Variants in USP10 observed in about 807,000 individuals in gnomAD.
USP10 encodes ubiquitin specific peptidase 10.
USP10 carries 22 observed loss-of-function variants against 84.5 expected under a neutral mutation model. The ratio of observed to expected loss-of-function variants is 0.26; its 90% CI spans 0.19 to 0.37. USP10 has a LOEUF of 0.37. Among genes scored for constraint, USP10 ranks in the 10% least tolerant of loss-of-function variants. The pLI is 1.00. For synonymous variants in USP10, 454 were observed against 387.6 expected (o/e 1.17, Z -2.01); for missense variants, 1,019 against 998.9 (o/e 1.02, Z -0.27).
At chr16:84,742,938 A>T (rs951444935) in intron 3 of USP10, among the ~76,000 whole-genome samples, 1 of 152,212 alleles carries the variant, frequency 6.6e-6, no homozygotes, top group African/African-American at 2.4e-5. Context: ...TCTTAGAAAT[A>T]ATCAGTCTTG....
At chr16:84,763,890 G>GATC (rs1913506549) in intron 9 of USP10, among the ~76,000 whole-genome samples, 196 bp from the exon 10 acceptor site, 1 of 151,926 alleles carries the variant, frequency 6.6e-6, no homozygotes, top group Non-Finnish European at 1.5e-5. Flanking sequence ...GGTTGCCGTG[G>GATC]ATCCAGTGAC....
rs776823223 is a variant in USP10, at chr16:84,745,310, G to A, written c.829G>A (p.Asp277Asn). 9.9e-6 allele frequency: 16 copies of A among 1,612,952 alleles called. No individual in the cohort carries two copies. The highest frequency in any genetic ancestry group is 1.8e-4 in the Middle Eastern group (1 of 5,482). Residue 277 changes from aspartate to asparagine, a missense_variant, in exon 4 of 14, where the codon GAT becomes AAT. By Grantham distance (23) the Asp-to-Asn change is conservative. Transcript: ENST00000219473. ...TAGAQPCVGT[D>N]TTENLGVANG... ...TGGGGCTCAGCCCTGCGTTGGTACC[G>A]ATACTACTGAAAACCTTGGAGTTGC...
chr16:84,702,045 C>CTTTTT lies in USP10; in HGVS notation c.21+1958_21+1962dup, dbSNP rs1168917308. Among the ~76,000 whole-genome samples the CTTTTT allele has an allele frequency of 1.2e-4, 5 of 42,614 alleles. 1 individual carries two copies. The highest frequency in any genetic ancestry group is 4.4e-4 in the African/African-American group (4 of 9,050). 28.0% of individuals were successfully genotyped at this position (42,614 alleles called of 152,430 possible). A position where few individuals can be genotyped will look rare whatever the true frequency, so the allele number is the denominator to read the frequency against. On this transcript the variant is annotated intron_variant, in intron 1 of 13. Transcript: ENST00000219473. ...ATTTATTTTGAGATGGAGTTTCGCT[C>CTTTTT]TTTTTTTTTTTTTTTTTTTTTTTTT...
chr16:84,755,402 C>A (rs1459381814), intron 4 of USP10, among the ~76,000 whole-genome samples: 1 of 151,830 alleles, frequency 6.6e-6, no homozygotes, highest in Admixed American at 6.6e-5. Flanking sequence ...TTCCTCAGCC[C>A]GGCTTCTGGC....
At chr16:84,713,906 A>AC (rs1906643851) in intron 1 of USP10, among the ~76,000 whole-genome samples, 1 of 152,252 alleles carries the variant, frequency 6.6e-6, no homozygotes, top group South Asian at 2.1e-4. Flanking sequence ...CGTGTCGCTG[A>AC]AGTGCATTTG....
At chr16:84,750,440 G>T (rs1911792158) in intron 4 of USP10, among the ~76,000 whole-genome samples, 1 of 150,604 alleles carries the variant, frequency 6.6e-6, no homozygotes, top group Non-Finnish European at 1.5e-5. Flanking sequence ...TTAATAGCTT[G>T]TGTTTGAAAG....
chr16:84,746,480 C>T (rs1911241558), intron 4 of USP10, among the ~76,000 whole-genome samples: 1 of 152,204 alleles, frequency 6.6e-6, no homozygotes, highest in Non-Finnish European at 1.5e-5. Flanking sequence ...CAAACCTGTC[C>T]AGCGTGTTAC....
chr16:84,756,101 C>T (rs999909188), intron 4 of USP10, among the ~76,000 whole-genome samples: 1 of 141,070 alleles, frequency 7.1e-6, no homozygotes, highest in Non-Finnish European at 1.6e-5. Flanking sequence ...CCCCGCCCCC[C>T]ATCTCCCAAC....
chr16:84,704,843 T>G (rs538062015), intron 1 of USP10: 3 of 1,535,608 alleles, frequency 2.0e-6, no homozygotes, highest in Non-Finnish European at 2.6e-6. Context: ...CTGGTTGCCC[T>G]CTCCTGGAAT....
intron 10 of USP10, among the ~76,000 whole-genome samples, chr16:84,765,279 C>T (rs1913726613): frequency 6.6e-6 from 1 of 151,430 alleles, no homozygotes; most frequent in Admixed American, 6.6e-5. Flanking sequence ...GTGCACATGG[C>T]AAGAGCAGCT....
At chr16:84,765,914 G>A (rs1004206031) in intron 10 of USP10, among the ~76,000 whole-genome samples, 4 of 152,150 alleles carry the variant, frequency 2.6e-5, no homozygotes, top group Non-Finnish European at 4.4e-5. Flanking sequence ...CTGTGATGTG[G>A]AATTCAGCAA....
intron 1 of USP10, among the ~76,000 whole-genome samples, chr16:84,732,244 T>A (rs1334484248): frequency 6.6e-6 from 1 of 152,196 alleles, no homozygotes; most frequent in Non-Finnish European, 1.5e-5. Context: ...TTGAATCACT[T>A]GGCTTGTAAA....
chr16:84,725,546 G>A (rs748433546), intron 1 of USP10, among the ~76,000 whole-genome samples: 7 of 151,888 alleles, frequency 4.6e-5, no homozygotes, highest in Non-Finnish European at 5.9e-5. Flanking sequence ...GATTAGAGGC[G>A]CCTGCCACCA....
At chr16:84,747,719 A>C (rs1911408127) in intron 4 of USP10, among the ~76,000 whole-genome samples, 1 of 151,864 alleles carries the variant, frequency 6.6e-6, no homozygotes. Flanking sequence ...ACATGCCACA[A>C]TGTCTGGCTA....
chr16:84,717,609 A>T (rs1347608410), intron 1 of USP10, among the ~76,000 whole-genome samples: 1 of 152,138 alleles, frequency 6.6e-6, no homozygotes, highest in Admixed American at 6.5e-5. Flanking sequence ...CAAGCATTTT[A>T]CTAGGTAGGT....
At chr16:84,734,765 G>A (rs887877525) in intron 2 of USP10, among the ~76,000 whole-genome samples, 1 of 152,122 alleles carries the variant, frequency 6.6e-6, no homozygotes, top group Non-Finnish European at 1.5e-5. Flanking sequence ...AAAGTTTTCA[G>A]ATTTTGTTTT....
chr16:84,729,356 C>T (rs1908914082), intron 1 of USP10, among the ~76,000 whole-genome samples: 1 of 152,076 alleles, frequency 6.6e-6, no homozygotes, highest in Non-Finnish European at 1.5e-5. Flanking sequence ...TTAGGATTCC[C>T]CTAGCTTGTG....
intron 1 of USP10, 133 bp downstream of exon 1, chr16:84,700,244 C>T (rs1310203456): frequency 1.4e-5 from 10 of 737,936 alleles, no homozygotes; most frequent in African/African-American, 1.9e-5. Flanking sequence ...ACACGCTGCC[C>T]GGGCCTAGGC....
chr16:84,758,589 T>G, intron 4 of USP10, 127 bp from the exon 5 acceptor site: 1 of 680,958 alleles, frequency 1.5e-6, no homozygotes, highest in East Asian at 2.6e-5. Context: ...ACAGTATGCA[T>G]TTTCTTTGGC....
Sources: gnomAD v4.1 joint callset for allele counts (sites outside exome capture counted in the v4.1 genomes callset) on GRCh38, gnomAD v4.1.1 for gene constraint, MANE v1.5 for transcripts, NCBI Gene and HGNC (gene_info 2026-07-23, HGNC 2026-07-21) for gene names.